Variants in ZPBP observed in about 807,000 individuals in gnomAD.
ZPBP encodes zona pellucida binding protein, also known as zona pellucida-binding protein 1.
In ZPBP, 26 loss-of-function variants were observed where a neutral mutation model predicts 44.8. The ratio of observed to expected loss-of-function variants is 0.58; its 90% CI spans 0.43 to 0.81. The LOEUF is 0.81. ZPBP is among the 30% of genes least tolerant of loss of function. The pLI, the probability that ZPBP is intolerant of heterozygous loss-of-function variation, is 0.00. For missense variants in ZPBP, 409 were observed against 434.0 expected (o/e 0.94, Z 0.51); for synonymous variants, 174 against 153.2 (o/e 1.14, Z -1.00).
At chr7:50,085,026 C>G (rs1802565579) in intron 2 of ZPBP, among the ~76,000 whole-genome samples, 1 of 152,060 alleles carries the variant, frequency 6.6e-6, no homozygotes, top group Admixed American at 6.6e-5. Flanking sequence ...AAGTCCTAAT[C>G]TCCAGTACTT....
chr7:49,970,010 C>G (rs531744173), intron 7 of ZPBP, among the ~76,000 whole-genome samples: 1 of 80,444 alleles, frequency 1.2e-5, no homozygotes, highest in Admixed American at 1.4e-4. Flanking sequence ...CAGGCATGCA[C>G]CACCACTCCC....
At chr7:49,869,144 A>ATGG (rs1791031283) in intron 2 of ZPBP, among the ~76,000 whole-genome samples, 1 of 152,166 alleles carries the variant, frequency 6.6e-6, no homozygotes, top group Admixed American at 6.5e-5. Context: ...TTATGTGCTT[A>ATGG]AACACTACAG....
intron 7 of ZPBP, among the ~76,000 whole-genome samples, chr7:49,962,301 G>A (rs1446386550): frequency 3.3e-5 from 5 of 151,754 alleles, no homozygotes; most frequent in African/African-American, 4.8e-5. Flanking sequence ...AAATGATCAC[G>A]TGTATTTTAT....
intron 7 of ZPBP, among the ~76,000 whole-genome samples, chr7:49,972,293 C>T (rs747055465): frequency 1.3e-4 from 19 of 151,622 alleles, no homozygotes; most frequent in Non-Finnish European, 1.9e-4. Context: ...GGAAAGGAAG[C>T]AAAATTATCT....
intron 1 of ZPBP, among the ~76,000 whole-genome samples, chr7:49,922,311 T>A (rs1416569504): frequency 6.6e-6 from 1 of 152,162 alleles, no homozygotes; most frequent in Non-Finnish European, 1.5e-5. Flanking sequence ...TATCTTAGAT[T>A]CAGATTTCTT....
intron 3 of ZPBP, among the ~76,000 whole-genome samples, chr7:50,064,476 C>G (rs1261619342): frequency 1.3e-5 from 2 of 152,160 alleles, no homozygotes; most frequent in Non-Finnish European, 2.9e-5. Flanking sequence ...CCTGGGAGCA[C>G]TATGGGAGAC....
intron 2 of ZPBP, among the ~76,000 whole-genome samples, chr7:49,891,535 T>C (rs1345780807): frequency 6.6e-6 from 1 of 151,910 alleles, no homozygotes; most frequent in Non-Finnish European, 1.5e-5. Context: ...ATCCAAACAA[T>C]CAGTCATCAA....
At chr7:49,994,597 A>G (rs1277045633) in intron 6 of ZPBP, among the ~76,000 whole-genome samples, 3 of 152,182 alleles carry the variant, frequency 2.0e-5, no homozygotes, top group African/African-American at 2.4e-5. Flanking sequence ...CAAGCATTCA[A>G]TATTTCCTAA....
intron 4 of ZPBP, among the ~76,000 whole-genome samples, chr7:50,031,676 T>C (rs1257013693): frequency 6.6e-6 from 1 of 152,170 alleles, no homozygotes; most frequent in Admixed American, 6.6e-5. Context: ...AACACTATGC[T>C]GCTCAAACTC....
At chr7:50,051,326 C>G (rs909419687) in intron 4 of ZPBP, among the ~76,000 whole-genome samples, 5 of 152,154 alleles carry the variant, frequency 3.3e-5, no homozygotes, top group African/African-American at 1.2e-4. Flanking sequence ...CACTTTTACA[C>G]TGTTGCTGGG....
At chr7:49,944,674 C>T (rs1379688917) in intron 7 of ZPBP, among the ~76,000 whole-genome samples, 1 of 152,064 alleles carries the variant, frequency 6.6e-6, no homozygotes, top group East Asian at 1.9e-4. Context: ...CTCCTAGAAG[C>T]CTCTAATGAT....
intron 2 of ZPBP, among the ~76,000 whole-genome samples, chr7:49,868,950 G>A (rs1055822500): frequency 4.6e-5 from 7 of 152,168 alleles, no homozygotes; most frequent in Admixed American, 4.6e-4. Flanking sequence ...TATATGGAAA[G>A]AAGTTTTCTT....
At chr7:49,884,099 C>T (rs543905) in intron 2 of ZPBP, among the ~76,000 whole-genome samples, 9,049 of 152,280 alleles carry the variant, frequency 0.059, 780 homozygotes, top group African/African-American at 0.18. Flanking sequence ...AGCTGCAAAC[C>T]TGTCAGGCTG....
intron 6 of ZPBP, among the ~76,000 whole-genome samples, chr7:49,987,608 T>C (rs1797352878): frequency 6.6e-6 from 1 of 152,180 alleles, no homozygotes; most frequent in African/African-American, 2.4e-5. Context: ...CTAGCCTTGC[T>C]TTAAGCCTTT....
chr7:49,894,191 CT>C (rs1328527272), intron 2 of ZPBP, among the ~76,000 whole-genome samples: 1 of 152,242 alleles, frequency 6.6e-6, no homozygotes, highest in Non-Finnish European at 1.5e-5. Context: ...GGTTCTCACT[CT>C]GTCATCCAGG....
chr7:49,933,521 A>G (rs947056300), downstream of ZPBP, among the ~76,000 whole-genome samples: 9 of 152,230 alleles, frequency 5.9e-5, no homozygotes, highest in Non-Finnish European at 1.3e-4. Context: ...AGAACTAGAA[A>G]TACCATTTGA....
intron 4 of ZPBP, among the ~76,000 whole-genome samples, chr7:50,053,543 G>A (rs1800790238): frequency 6.6e-6 from 1 of 152,056 alleles, no homozygotes. Flanking sequence ...TTTGTTTGTT[G>A]GAGACGAAGA....
At chr7:50,092,306 T>A (rs778520996) in intron 1 of ZPBP, among the ~76,000 whole-genome samples, 2 of 152,208 alleles carry the variant, frequency 1.3e-5, no homozygotes, top group African/African-American at 4.8e-5. Flanking sequence ...GATTTTTAAA[T>A]CTCTATTCAC....
At chr7:49,861,335 A>T (rs7797415) in intron 2 of ZPBP, among the ~76,000 whole-genome samples, 20 of 151,958 alleles carry the variant, frequency 1.3e-4, no homozygotes, top group African/African-American at 4.6e-4. Context: ...CATTTTATTG[A>T]GTTGCTTGCC....
Sources: gnomAD v4.1 joint callset for allele counts (sites outside exome capture counted in the v4.1 genomes callset) on GRCh38, gnomAD v4.1.1 for gene constraint, MANE v1.5 for transcripts, NCBI Gene and HGNC (gene_info 2026-07-23, HGNC 2026-07-21) for gene names.